Variants in RAD51B observed in about 807,000 individuals in gnomAD.
RAD51B encodes RAD51 paralog B, also known as DNA repair protein RAD51 homolog 2.
Under a neutral mutation model 42.2 loss-of-function variants are expected in RAD51B, and 38 were observed. The ratio of observed to expected loss-of-function variants is 0.90; its 90% CI spans 0.70 to 1.18. The LOEUF (loss-of-function observed/expected upper bound fraction) is 1.18. Among genes scored for constraint, RAD51B ranks in the 50% most tolerant of loss-of-function variants. The pLI, the probability that RAD51B is intolerant of heterozygous loss-of-function variation, is 0.00. For synonymous variants in RAD51B, 154 were observed against 145.2 expected (o/e 1.06, Z -0.43); for missense variants, 373 against 400.7 (o/e 0.93, Z 0.59).
chr14:67,829,488 C>T (rs1235708805), intron 3 of RAD51B, among the ~76,000 whole-genome samples: 2 of 152,068 alleles, frequency 1.3e-5, no homozygotes, highest in Non-Finnish European at 2.9e-5. Context: ...ATGATCCGCC[C>T]GCCTCGGCCT....
intron 7 of RAD51B, among the ~76,000 whole-genome samples, chr14:68,043,492 A>G (rs1043204501): frequency 6.6e-6 from 1 of 152,176 alleles, no homozygotes; most frequent in African/African-American, 2.4e-5. Flanking sequence ...TTAAGTACCA[A>G]CTTTTTCTTA....
In RAD51B at chr14:68,134,884, T is replaced by G. The variant is rs559551490; in HGVS notation, c.757-157000T>G. Among the ~76,000 whole-genome samples, 33 of 152,214 alleles carry G rather than the reference T, an allele frequency of 2.2e-4. 1 individual carries two copies. The East Asian group carries it at 6.4e-3, about 29-fold the overall frequency. Reference sequence around the variant, plus strand: ...TTTCTCCCATTCTGTAAACTACCTTTTCATCCTGTTAACAGGGTTTTTGCA... The same window carrying G: ...TTTCTCCCATTCTGTAAACTACCTTGTCATCCTGTTAACAGGGTTTTTGCA... On this transcript the variant is annotated intron_variant, in intron 7 of 10. Transcript: ENST00000471583.
intron 7 of RAD51B, among the ~76,000 whole-genome samples, chr14:68,162,210 A>G (rs997073779): frequency 3.3e-5 from 5 of 152,236 alleles, no homozygotes; most frequent in African/African-American, 4.8e-5. Flanking sequence ...TTTAATTTCC[A>G]TAGAAGCTAA....
chr14:67,887,493 T>C (rs904301921), intron 7 of RAD51B: 1 of 237,200 alleles, frequency 4.2e-6, no homozygotes, highest in African/African-American at 2.3e-5. Flanking sequence ...GTTTACTCTT[T>C]GTGTGTGCTT....
intron 7 of RAD51B, among the ~76,000 whole-genome samples, chr14:68,289,891 A>G (rs1210913290): frequency 6.6e-6 from 1 of 152,230 alleles, no homozygotes; most frequent in Non-Finnish European, 1.5e-5. Context: ...TAAGATTAGC[A>G]AATACTGAGT....
chr14:68,320,313 G>C (rs1389650139), intron 8 of RAD51B, among the ~76,000 whole-genome samples: 1 of 152,202 alleles, frequency 6.6e-6, no homozygotes, highest in African/African-American at 2.4e-5. Context: ...ATATGCATAT[G>C]ATTAAACCAA....
chr14:68,466,451 G>T (rs2085989120), intron 9 of RAD51B, among the ~76,000 whole-genome samples: 2 of 152,236 alleles, frequency 1.3e-5, no homozygotes, highest in East Asian at 3.8e-4. Flanking sequence ...AATTCAGGCT[G>T]CACTGTAGCA....
At chr14:67,962,507 G>A (rs955878364) in intron 7 of RAD51B, among the ~76,000 whole-genome samples, 1 of 152,118 alleles carries the variant, frequency 6.6e-6, no homozygotes, top group African/African-American at 2.4e-5. Context: ...GTTTAGACTG[G>A]CCTCAGACTT....
intron 8 of RAD51B, among the ~76,000 whole-genome samples, chr14:68,353,331 A>G (rs1351549819): frequency 6.6e-6 from 1 of 152,260 alleles, no homozygotes; most frequent in Non-Finnish European, 1.5e-5. Flanking sequence ...AAAGACTACA[A>G]TAATCTCGAT....
At chr14:68,282,990 G>T (rs1595657505) in intron 7 of RAD51B, among the ~76,000 whole-genome samples, 1 of 152,168 alleles carries the variant, frequency 6.6e-6, no homozygotes, top group Non-Finnish European at 1.5e-5. Context: ...TATTTATCAG[G>T]TTGGACTCCC....
At chr14:68,513,028 G>C (rs1347397587) in intron 10 of RAD51B, among the ~76,000 whole-genome samples, 1 of 152,126 alleles carries the variant, frequency 6.6e-6, no homozygotes, top group Non-Finnish European at 1.5e-5. Flanking sequence ...CCAGAGACTG[G>C]AGTAGAGTGA....
chr14:68,375,149 T>C lies in RAD51B; in HGVS notation c.854-36275T>C, dbSNP rs561511239. Among the ~76,000 whole-genome samples the C allele has an allele frequency of 2.2e-4, 33 of 152,190 alleles. No homozygotes were observed. The South Asian group carries it at 6.9e-3, about 32-fold the overall frequency. Reference sequence around the variant, plus strand: ...CTATTTAAACTTGGGAAGGGTCTGCTGCTTAATCTTAAGAAATAGCACTTC... The same window carrying C: ...CTATTTAAACTTGGGAAGGGTCTGCCGCTTAATCTTAAGAAATAGCACTTC... On this transcript the variant is annotated intron_variant, in intron 8 of 10. Coordinates refer to ENST00000471583, the MANE Select transcript of RAD51B (RefSeq NM_133510.4).
rs116020503 is a variant in RAD51B, at chr14:68,671,070, G to A, written c.*11+20214G>A. ...AGATACAGCCCAAACGCCTGATCCAGTCTCTTCCCAGTCTAGCTCTGTTGG... is the reference window on the plus strand; with the variant it reads ...AGATACAGCCCAAACGCCTGATCCAATCTCTTCCCAGTCTAGCTCTGTTGG... On this transcript the variant is annotated intron_variant, in intron 11 of 11. Coordinates refer to the RAD51B transcript ENST00000488612. Among the ~76,000 whole-genome samples, 763 of 152,264 alleles carry A rather than the reference G, an allele frequency of 5.0e-3. 2 individuals are homozygous for A. Among genetic ancestry groups the A allele is most frequent in the African/African-American group, 0.018 (728 of 41,558 alleles).
At chr14:67,860,867 AG>A (rs1595017974) in intron 4 of RAD51B, among the ~76,000 whole-genome samples, 3 of 152,172 alleles carry the variant, frequency 2.0e-5, no homozygotes, top group African/African-American at 4.8e-5. Flanking sequence ...AGAGTATTTC[AG>A]TATGGTATTA....
intron 10 of RAD51B, among the ~76,000 whole-genome samples, chr14:68,495,358 C>A (rs1052085620): frequency 6.6e-6 from 1 of 152,080 alleles, no homozygotes; most frequent in African/African-American, 2.4e-5. Flanking sequence ...TTCCTCCGAG[C>A]CCCTTTGCTT....
chr14:68,537,225 G>A lies in RAD51B; in HGVS notation c.1037-57260G>A, dbSNP rs144640808. ...TCTTAAAAAGGAACCATGGCCAGTCGCAGTGGCTCACGCCTGTAATCCCAG... is the reference window on the plus strand; with the variant it reads ...TCTTAAAAAGGAACCATGGCCAGTCACAGTGGCTCACGCCTGTAATCCCAG... On this transcript the variant is annotated intron_variant, in intron 10 of 10. Coordinates refer to the RAD51B transcript ENST00000487270. 6.3e-3 allele frequency among the ~76,000 whole-genome samples: 955 copies of A among 152,064 alleles called. 13 individuals are homozygous for A. The highest frequency in any genetic ancestry group is 0.022 in the African/African-American group (927 of 41,472).
intron 7 of RAD51B, among the ~76,000 whole-genome samples, chr14:68,272,979 T>TA (rs1209773474): frequency 6.6e-6 from 1 of 151,776 alleles, no homozygotes; most frequent in Non-Finnish European, 1.5e-5. Flanking sequence ...CCACTGCGCC[T>TA]GGCCCAACAC....
intron 8 of RAD51B, among the ~76,000 whole-genome samples, chr14:68,407,500 T>TA (rs1336883794): frequency 6.6e-6 from 1 of 152,180 alleles, no homozygotes; most frequent in Non-Finnish European, 1.5e-5. Context: ...CACTAGGTGA[T>TA]AGGAATTTAT....
chr14:68,484,514 C>T (rs112570587), intron 10 of RAD51B, among the ~76,000 whole-genome samples: 24,234 of 151,914 alleles, frequency 0.16, 2,601 homozygotes, highest in Non-Finnish European at 0.24. Context: ...CCCACCACCA[C>T]GCCCGGCTAA....
Sources: gnomAD v4.1 joint callset for allele counts (sites outside exome capture counted in the v4.1 genomes callset) on GRCh38, gnomAD v4.1.1 for gene constraint, MANE v1.5 for transcripts, NCBI Gene and HGNC (gene_info 2026-07-23, HGNC 2026-07-21) for gene names.